HTR4: variants seen among roughly 807,000 people sequenced by gnomAD.
HTR4 encodes the protein 5-hydroxytryptamine receptor 4.
Under a neutral mutation model 36.8 loss-of-function variants are expected in HTR4, and 16 were observed. The ratio of observed to expected loss-of-function variants is 0.43; its 90% CI spans 0.29 to 0.66. The LOEUF (loss-of-function observed/expected upper bound fraction) is 0.66, where lower values mean the gene tolerates loss of function less well. HTR4 is among the 30% of genes least tolerant of loss of function. The pLI, the probability that HTR4 is intolerant of heterozygous loss-of-function variation, is 0.13. For missense variants in HTR4, 438 were observed against 490.9 expected (o/e 0.89, Z 1.02); for synonymous variants, 189 against 185.1 (o/e 1.02, Z -0.17).
At chr5:148,591,583 T>C (rs1282763047) in intron 2 of HTR4, among the ~76,000 whole-genome samples, 1 of 152,204 alleles carries the variant, frequency 6.6e-6, no homozygotes, top group Non-Finnish European at 1.5e-5. Context: ...TATTTTATTC[T>C]TTTTGTGGCA....
chr5:148,490,351 G>A (rs1756362477), intron 6 of HTR4, among the ~76,000 whole-genome samples: 1 of 151,826 alleles, frequency 6.6e-6, no homozygotes, highest in Admixed American at 6.6e-5. Flanking sequence ...ACCAACCCCA[G>A]ATTGCCAAAG....
intron 2 of HTR4, among the ~76,000 whole-genome samples, chr5:148,559,825 A>G (rs545235301): frequency 6.6e-6 from 1 of 152,232 alleles, no homozygotes; most frequent in East Asian, 1.9e-4. Context: ...TCCTGCTTCA[A>G]TGTGCCAACA....
chr5:148,479,162 T>C (rs1346932309), downstream of HTR4, among the ~76,000 whole-genome samples: 2 of 152,096 alleles, frequency 1.3e-5, no homozygotes, highest in African/African-American at 2.4e-5. Context: ...TAGGTGACCA[T>C]GTCATAGAGG....
intron 5 of HTR4, among the ~76,000 whole-genome samples, chr5:148,466,383 T>G (rs1331265026): frequency 6.6e-6 from 1 of 152,238 alleles, no homozygotes; most frequent in East Asian, 1.9e-4. Context: ...CAAACAGCAC[T>G]TTCTGCTTCT....
chr5:148,475,383 T>C (rs1391966966), downstream of HTR4, among the ~76,000 whole-genome samples: 1 of 152,220 alleles, frequency 6.6e-6, no homozygotes, highest in African/African-American at 2.4e-5. Flanking sequence ...CCTGACTATC[T>C]TATATGCTCA....
chr5:148,464,026 T>C (rs938262165), intron 5 of HTR4, among the ~76,000 whole-genome samples: 7 of 132,660 alleles, frequency 5.3e-5, no homozygotes, highest in Non-Finnish European at 9.4e-5. Context: ...CAACTGGACA[T>C]TGACATGCAA....
intron 2 of HTR4, among the ~76,000 whole-genome samples, chr5:148,619,366 G>T (rs1752826720): frequency 6.6e-6 from 1 of 152,042 alleles, no homozygotes; most frequent in Non-Finnish European, 1.5e-5. Flanking sequence ...CCTGTTCAAA[G>T]AAAATTAAGA....
rs141981710 is a variant in HTR4, at chr5:148,566,877, T to A, written c.27-16615A>T. ...TCTAGGTGATATTAATCTAAAAAAA[T>A]TTGAATTATTTCTTCATTTTTTTTT... On this transcript the variant is annotated intron_variant, in intron 2 of 6. Transcript: ENST00000377888. Among the ~76,000 whole-genome samples, 1,157 of 152,204 alleles carry A rather than the reference T, an allele frequency of 7.6e-3. 7 individuals are homozygous for A. Among genetic ancestry groups the A allele is most frequent in the Middle Eastern group, 0.014 (4 of 294 alleles).
chr5:148,536,738 G>A (rs998385857), intron 4 of HTR4, among the ~76,000 whole-genome samples: 19 of 152,208 alleles, frequency 1.2e-4, no homozygotes, highest in African/African-American at 4.6e-4. Flanking sequence ...GATTCATAAA[G>A]CAAGTTCTTA....
intron 2 of HTR4, among the ~76,000 whole-genome samples, chr5:148,550,552 G>A (rs1759631190): frequency 1.3e-5 from 2 of 152,188 alleles, no homozygotes; most frequent in Admixed American, 1.3e-4. Flanking sequence ...CTAGCATTCA[G>A]ACATATGTAG....
intron 4 of HTR4, among the ~76,000 whole-genome samples, chr5:148,525,079 T>C (rs992591625): frequency 4.6e-5 from 7 of 152,146 alleles, no homozygotes; most frequent in Non-Finnish European, 1.0e-4. Context: ...AATCAAAGAA[T>C]GGGAGACTGT....
At chr5:148,530,030 G>C (rs1262046076) in intron 4 of HTR4, among the ~76,000 whole-genome samples, 3 of 152,184 alleles carry the variant, frequency 2.0e-5, no homozygotes, top group African/African-American at 7.2e-5. Context: ...TCCACCATCA[G>C]GAAGAAATGT....
chr5:148,534,951 C>A (rs778737034), intron 4 of HTR4, among the ~76,000 whole-genome samples: 4 of 152,194 alleles, frequency 2.6e-5, no homozygotes, highest in Non-Finnish European at 4.4e-5. Flanking sequence ...CCATGATCTG[C>A]AGCCAGCATG....
intron 5 of HTR4, among the ~76,000 whole-genome samples, chr5:148,517,511 A>C (rs1194468946): frequency 6.6e-6 from 1 of 152,100 alleles, no homozygotes; most frequent in African/African-American, 2.4e-5. Flanking sequence ...CACACCCTAT[A>C]AACTTACACA....
chr5:148,515,212 G>A (rs902095293), intron 5 of HTR4, among the ~76,000 whole-genome samples: 1 of 151,804 alleles, frequency 6.6e-6, no homozygotes, highest in Non-Finnish European at 1.5e-5. Flanking sequence ...TATTTTAGGG[G>A]CTACAACTCA....
chr5:148,476,694 G>GAA (rs11411672), downstream of HTR4: 1,019 of 1,564,254 alleles, frequency 6.5e-4, no homozygotes, highest in Admixed American at 3.7e-3. Context: ...TGGGCACTAA[G>GAA]AAAAAAAAAT....
chr5:148,548,912 A>T (rs1759532837), intron 3 of HTR4, 44 bp from the exon 4 acceptor site: 1 of 1,351,452 alleles, frequency 7.4e-7, no homozygotes, highest in Admixed American at 1.8e-5. Context: ...GGGAGGGATG[A>T]AGGGAAAAAG....
downstream of HTR4, among the ~76,000 whole-genome samples, chr5:148,478,234 T>C (rs1755762451): frequency 6.6e-6 from 1 of 152,284 alleles, no homozygotes; most frequent in South Asian, 2.1e-4. Flanking sequence ...AAGTGCTAAA[T>C]CAATACTAGT....
At chr5:148,581,075 T>G (rs557453920) in intron 2 of HTR4, among the ~76,000 whole-genome samples, 65 of 152,018 alleles carry the variant, frequency 4.3e-4, no homozygotes, top group East Asian at 3.1e-3. Context: ...TATCTCAATG[T>G]TTTTGATTTG....
Sources: allele counts gnomAD v4.1 joint callset (sites outside exome capture counted in the v4.1 genomes callset), GRCh38; gene constraint gnomAD v4.1.1; transcripts MANE v1.5; gene names NCBI Gene and HGNC (gene_info 2026-07-23, HGNC 2026-07-21).